The following STK33 variants were observed in gnomAD, a reference collection of about 807,000 sequenced individuals.
STK33 encodes serine/threonine-protein kinase 33.
In STK33, 52 loss-of-function variants were observed where a neutral mutation model predicts 58.0. The ratio of observed to expected loss-of-function variants is 0.90; its 90% confidence interval spans 0.72 to 1.13. The LOEUF is 1.13. Ranked by LOEUF, STK33 falls within the 50% of genes most tolerant of loss-of-function variation. STK33 has a pLI of 0.00. For missense variants in STK33, 630 were observed against 604.2 expected (o/e 1.04, Z -0.45); for synonymous variants, 215 against 200.1 (o/e 1.07, Z -0.63).
intron 15 of STK33, among the ~76,000 whole-genome samples, chr11:8,398,040 C>T (rs10840034): frequency 6.6e-6 from 1 of 152,050 alleles, no homozygotes; most frequent in East Asian, 1.9e-4. Context: ...ACACTCTGCA[C>T]GATATTATCC....
At chr11:8,398,828 T>C (rs978394873) in intron 15 of STK33, among the ~76,000 whole-genome samples, 8 of 149,146 alleles carry the variant, frequency 5.4e-5, no homozygotes, top group African/African-American at 2.0e-4. Flanking sequence ...TAGTCTCTGA[T>C]AAAACAGACT....
chr11:8,538,148 G>T (rs2044464), intron 1 of STK33, among the ~76,000 whole-genome samples: 1 of 151,676 alleles, frequency 6.6e-6, no homozygotes. Context: ...AGAATGCGCT[G>T]TTGCACTCTA....
chr11:8,444,589 T>C (rs1180734324), intron 11 of STK33, among the ~76,000 whole-genome samples: 3 of 152,138 alleles, frequency 2.0e-5, no homozygotes, highest in Admixed American at 2.0e-4. Flanking sequence ...TAAGTGCATA[T>C]TGAATTTATA....
chr11:8,423,045 T>C (rs933366507), intron 14 of STK33, among the ~76,000 whole-genome samples: 2 of 151,526 alleles, frequency 1.3e-5, no homozygotes, highest in African/African-American at 4.8e-5. Context: ...TCTCACTATG[T>C]TGTCCAGGCT....
chr11:8,344,021 CT>C, the STK33 span, among the ~76,000 whole-genome samples: 1 of 152,180 alleles, frequency 6.6e-6, no homozygotes, highest in Non-Finnish European at 1.5e-5. Context: ...CGCTCTGGTC[CT>C]TTTTCTTGCT....
chr11:8,472,256 T>TTG lies in STK33; in HGVS notation c.339+905_339+906dup, dbSNP rs35879255. Among the ~76,000 whole-genome samples the TTG allele has an allele frequency of 1.5e-3, 223 of 151,452 alleles. 3 individuals are homozygous for TTG. The highest frequency in any genetic ancestry group is 2.4e-3 in the Non-Finnish European group (163 of 67,794). On this transcript the variant is annotated intron_variant, in intron 6 of 15. Transcript: ENST00000687296. ...AGACTAAATTTAAAACTTGGTAAAC[T>TTG]TGTGTGTGTGTGTGTCAGAGTTTTT...
chr11:8,404,765 T>C (rs758039758), intron 15 of STK33, among the ~76,000 whole-genome samples: 3 of 152,222 alleles, frequency 2.0e-5, no homozygotes, highest in Non-Finnish European at 2.9e-5. Context: ...TGCTTATACA[T>C]AAATCCGCTA....
chr11:8,503,123 C>G (rs1468846850), intron 1 of STK33, among the ~76,000 whole-genome samples: 1 of 152,108 alleles, frequency 6.6e-6, no homozygotes, highest in Non-Finnish European at 1.5e-5. Context: ...GGTATACACC[C>G]AAAGGAATAT....
intron 1 of STK33, among the ~76,000 whole-genome samples, chr11:8,523,405 C>T (rs1440185540): frequency 6.6e-6 from 1 of 151,694 alleles, no homozygotes; most frequent in Non-Finnish European, 1.5e-5. Flanking sequence ...TGCCCAGCCG[C>T]AACCCCGTCT....
rs759995309 is a variant in STK33, at chr11:8,461,926, A to C, written c.454-17T>G. On this transcript the variant is annotated splice_polypyrimidine_tract_variant and intron_variant, in intron 7 of 15. Transcript: ENST00000687296. ...GCTTCCAGCCTTAATCAATGAAGAA[A>C]CACAGATTTCACATAATGAAAATCA... 12 of 1,553,686 alleles carry C rather than the reference A, an allele frequency of 7.7e-6. No homozygotes were observed. Among genetic ancestry groups the C allele is most frequent in the Non-Finnish European group, 9.5e-6 (11 of 1,152,228 alleles).
intron 14 of STK33, among the ~76,000 whole-genome samples, chr11:8,415,740 C>G (rs1355404976): frequency 6.6e-6 from 1 of 152,026 alleles, no homozygotes; most frequent in East Asian, 1.9e-4. Flanking sequence ...TATTGTAAAA[C>G]CATCAGGTCC....
intron 15 of STK33, among the ~76,000 whole-genome samples, chr11:8,396,329 G>A (rs1394927208): frequency 6.6e-6 from 1 of 152,132 alleles, no homozygotes. Context: ...ATCTCAATAT[G>A]CAAATGTTTA....
At chr11:8,545,375 TA>T (rs963902136) in intron 1 of STK33, among the ~76,000 whole-genome samples, 2 of 152,176 alleles carry the variant, frequency 1.3e-5, no homozygotes, top group African/African-American at 4.8e-5. Flanking sequence ...TTTATGAATC[TA>T]AAATAATCTC....
chr11:8,372,978 AG>A, the STK33 span, among the ~76,000 whole-genome samples: 2 of 152,186 alleles, frequency 1.3e-5, no homozygotes, highest in Non-Finnish European at 2.9e-5. Context: ...TGCAGCAGGG[AG>A]GGCTTCTGCA....
chr11:8,387,818 C>G (rs550562053), downstream of STK33, among the ~76,000 whole-genome samples: 1 of 135,934 alleles, frequency 7.4e-6, no homozygotes, highest in Non-Finnish European at 1.5e-5. Flanking sequence ...ACCCTTCAGT[C>G]ACATGGGAAT....
chr11:8,370,831 A>G, the STK33 span, among the ~76,000 whole-genome samples: 4 of 152,186 alleles, frequency 2.6e-5, no homozygotes, highest in Admixed American at 6.5e-5. Flanking sequence ...GTGGCTGGGA[A>G]TTTGGTTCCT....
intron 11 of STK33, among the ~76,000 whole-genome samples, chr11:8,447,485 C>T (rs545171197): frequency 5.9e-5 from 9 of 152,212 alleles, no homozygotes; most frequent in East Asian, 1.9e-4. Context: ...GTTCAACATA[C>T]GCAAATCAAT....
chr11:8,500,230 T>C (rs1426358144), intron 1 of STK33, among the ~76,000 whole-genome samples: 1 of 151,976 alleles, frequency 6.6e-6, no homozygotes, highest in Non-Finnish European at 1.5e-5. Flanking sequence ...TAAAATAAAC[T>C]GCATCCAGAT....
At chr11:8,452,742 C>G (rs569052985) in intron 11 of STK33, 80 bp downstream of exon 11, 59 of 1,274,206 alleles carry the variant, frequency 4.6e-5, no homozygotes, top group Non-Finnish European at 6.1e-5. Context: ...GAGCCAAGAT[C>G]ATGCCACTGC....
Sources: gnomAD v4.1 joint callset for allele counts (sites outside exome capture counted in the v4.1 genomes callset) on GRCh38, gnomAD v4.1.1 for gene constraint, MANE v1.5 for transcripts, NCBI Gene and HGNC (gene_info 2026-07-23, HGNC 2026-07-21) for gene names.